The following PBX3 variants were observed in gnomAD, a reference collection of about 807,000 sequenced individuals.
The protein encoded by PBX3 is PBX homeobox 3, also known as pre-B-cell leukemia transcription factor 3.
A neutral mutation model predicts 48.5 loss-of-function variants in PBX3; 14 were observed. The ratio of observed to expected loss-of-function variants is 0.29; its 90% confidence interval spans 0.19 to 0.45. The LOEUF (loss-of-function observed/expected upper bound fraction) is 0.45, where lower values mean the gene tolerates loss of function less well. Among genes scored for constraint, PBX3 ranks in the 20% least tolerant of loss-of-function variants. PBX3 has a pLI of 1.00. For missense variants in PBX3, 386 were observed against 546.7 expected, an observed-to-expected ratio of 0.71 and a Z score of 2.93; for synonymous variants, 210 against 200.3, an observed-to-expected ratio of 1.05 and a Z score of -0.41.
rs1209145212 is a variant in PBX3, at chr9:125,759,428, T to G, written c.274+10805T>G. Among the ~76,000 whole-genome samples the G allele has an allele frequency of 6.6e-6, 1 of 152,196 alleles. No individual in the cohort carries two copies. The highest frequency in any genetic ancestry group is 1.5e-5 in the Non-Finnish European group (1 of 68,036). On this transcript the variant is annotated intron_variant, in intron 2 of 8. Transcript: ENST00000373489. The surrounding 1 kb of genome is among the most constrained non-coding windows in gnomAD (Gnocchi z 4.2). ...TGGCACTGCCAAATGTACTTCCTATTTGTTGTGCAAGGGAATTGGAACAGT... is the reference window on the plus strand; with the variant it reads ...TGGCACTGCCAAATGTACTTCCTATGTGTTGTGCAAGGGAATTGGAACAGT...
At chr9:125,935,337 T>A in intron 4 of PBX3, 135 bp from the exon 5 acceptor site, 2 of 710,280 alleles carry the variant, frequency 2.8e-6, no homozygotes, top group South Asian at 4.0e-5. Context: ...TAACGTATAA[T>A]ATCACAGAAA....
At chr9:125,769,955 T>TAA (rs1378792806) in intron 2 of PBX3, among the ~76,000 whole-genome samples, 1 of 152,224 alleles carries the variant, frequency 6.6e-6, no homozygotes, top group Non-Finnish European at 1.5e-5. Context: ...TGGTTATGTA[T>TAA]AATTTGTATT....
intron 2 of PBX3, among the ~76,000 whole-genome samples, chr9:125,900,244 T>G (rs1840911428): frequency 6.6e-6 from 1 of 150,824 alleles, no homozygotes; most frequent in Non-Finnish European, 1.5e-5. Flanking sequence ...CCCTTTTTTT[T>G]TTTTTTTTAA....
intron 5 of PBX3, among the ~76,000 whole-genome samples, chr9:125,941,128 G>A (rs1841950661): frequency 6.6e-6 from 1 of 152,132 alleles, no homozygotes; most frequent in South Asian, 2.1e-4. Flanking sequence ...TTTTTAATAG[G>A]GTGGTAAAGA....
intron 2 of PBX3, among the ~76,000 whole-genome samples, chr9:125,850,659 T>C (rs1180437274): frequency 6.6e-6 from 1 of 152,018 alleles, no homozygotes. Flanking sequence ...AGTATTGTAC[T>C]GAAAAATTAT....
intron 2 of PBX3, among the ~76,000 whole-genome samples, chr9:125,790,978 A>G (rs140410533): frequency 1.3e-5 from 2 of 151,712 alleles, no homozygotes; most frequent in Admixed American, 6.6e-5. Context: ...TAGTGGTGCA[A>G]CCTTGGCTCA....
At chr9:125,873,458 T>C (rs1009943030) in intron 2 of PBX3, among the ~76,000 whole-genome samples, 2 of 152,190 alleles carry the variant, frequency 1.3e-5, no homozygotes, top group African/African-American at 4.8e-5. Context: ...AGTCAAACTT[T>C]AACAAATTGG....
intron 2 of PBX3, among the ~76,000 whole-genome samples, chr9:125,912,356 C>T (rs769553476): frequency 2.0e-5 from 3 of 152,018 alleles, no homozygotes; most frequent in Non-Finnish European, 2.9e-5. Flanking sequence ...GAAGGGTATG[C>T]GTTTATTCGG....
rs187355296 is a variant in PBX3 at position 125,953,808 on chromosome 9, T to C, written c.844-6876T>C. ...TACCCAGTATGAGGGGTTCCCATGCTGTGCTCACATAGAGAAGTTAAAATG... is the reference window on the plus strand; with the variant it reads ...TACCCAGTATGAGGGGTTCCCATGCCGTGCTCACATAGAGAAGTTAAAATG... On this transcript the variant is annotated intron_variant, in intron 5 of 8. Transcript: ENST00000373489. Among the ~76,000 whole-genome samples, 4 of 152,328 alleles carry C rather than the reference T, an allele frequency of 2.6e-5. No individual in the cohort carries two copies. The East Asian group carries it at 7.7e-4, about 29-fold the overall frequency.
At chr9:125,902,743 G>A (rs147789406) in intron 2 of PBX3, among the ~76,000 whole-genome samples, 105 of 151,780 alleles carry the variant, frequency 6.9e-4, no homozygotes, top group African/African-American at 2.5e-3. Context: ...TAACATTGAT[G>A]ATGGTGAATG....
chr9:125,807,992 A>G (rs1838176933), intron 2 of PBX3, among the ~76,000 whole-genome samples: 1 of 152,212 alleles, frequency 6.6e-6, no homozygotes, highest in Non-Finnish European at 1.5e-5. Context: ...AATTAAGTCC[A>G]CTTTTCATGT....
Position 125,791,301 on chromosome 9 carries a change from G to GTCTGTCTGTCTGTCTATCTA in PBX3, c.274+42681_274+42682insGTCTGTCTGTCTATCTATCT, listed in dbSNP as rs1179896723. ...TTTTTATCTGTCTGTCTGTCTGTCT[G>GTCTGTCTGTCTGTCTATCTA]TCTATCTATCTATCTATCTATCTAT... On this transcript the variant is annotated intron_variant, in intron 2 of 8. Coordinates refer to ENST00000373489, the MANE Select transcript of PBX3 (RefSeq NM_006195.6). 1.0e-4 allele frequency among the ~76,000 whole-genome samples: 11 copies of GTCTGTCTGTCTGTCTATCTA among 109,018 alleles called. No homozygotes were observed. The East Asian group carries it at 2.4e-3, about 24-fold the overall frequency. The allele number at this position is 109,018 out of a possible 152,430, so 71.5% of individuals were successfully genotyped here. A position where few individuals can be genotyped will look rare whatever the true frequency, so the allele number is the denominator to read the frequency against.
intron 2 of PBX3, among the ~76,000 whole-genome samples, chr9:125,908,951 T>G (rs1841140316): frequency 6.6e-6 from 1 of 151,982 alleles, no homozygotes; most frequent in Non-Finnish European, 1.5e-5. Flanking sequence ...ACATGGCCCG[T>G]TTTTTCCTTC....
chr9:125,920,219 C>T (rs1212964877), intron 3 of PBX3, among the ~76,000 whole-genome samples: 1 of 152,140 alleles, frequency 6.6e-6, no homozygotes, highest in African/African-American at 2.4e-5. Flanking sequence ...TACATTGCCT[C>T]GCTTTTTAGC....
intron 2 of PBX3, among the ~76,000 whole-genome samples, chr9:125,823,528 A>T (rs1432086205): frequency 6.6e-6 from 1 of 151,994 alleles, no homozygotes; most frequent in Non-Finnish European, 1.5e-5. Context: ...AAGGAGGATA[A>T]ATTACTTTTT....
At chr9:125,824,620 A>G (rs1207047570) in intron 2 of PBX3, among the ~76,000 whole-genome samples, 1 of 152,172 alleles carries the variant, frequency 6.6e-6, no homozygotes, top group Non-Finnish European at 1.5e-5. Context: ...CTAGAAAGAT[A>G]CAGTCTTTCA....
Position 125,747,546 on chromosome 9 carries a change from G to T in PBX3, c.93G>T (p.Pro31=), listed in dbSNP as rs1265796982. The T allele has an allele frequency of 2.5e-6, 4 of 1,605,220 alleles. No homozygotes were observed. The highest frequency in any genetic ancestry group is 2.6e-6 in the Non-Finnish European group (3 of 1,176,074). ...GGGGCATGGCCCTGCCGCCTCCCCC[G>T]CACGGCCACGAAGGGGCGGACGGCG... ...VQGGMALPPP[P]HGHEGADGDG... is the part of the protein sequence containing the mutation. The change falls in exon 1 of 9, where the codon CCG becomes CCT. Residue 31 remains proline (P), a synonymous_variant. Coordinates refer to ENST00000373489, the MANE Select transcript of PBX3 (RefSeq NM_006195.6).
chr9:125,880,193 C>T (rs1157416745), intron 2 of PBX3, among the ~76,000 whole-genome samples: 1 of 152,166 alleles, frequency 6.6e-6, no homozygotes, highest in East Asian at 1.9e-4. Context: ...TACAGGTGTG[C>T]ACCACCACGC....
Position 125,935,902 on chromosome 9 carries a change from C to T in PBX3, c.843+295C>T, listed in dbSNP as rs1026580093. Among the ~76,000 whole-genome samples the T allele has an allele frequency of 4.6e-5, 7 of 152,204 alleles. No homozygotes were observed. In the South Asian group the frequency reaches 1.4e-3, roughly 32 times the overall value. On this transcript the variant is annotated intron_variant, in intron 5 of 8. Coordinates refer to ENST00000373489, the MANE Select transcript of PBX3 (RefSeq NM_006195.6). The stretch of plus-strand genomic sequence containing the variant: ...ACGCAGTTTACACTTAAGTGACTCT[C>T]CAGTAAATGGCATGTATTCCTGGTT...
Sources: allele counts gnomAD v4.1 joint callset (sites outside exome capture counted in the v4.1 genomes callset), GRCh38; gene constraint gnomAD v4.1.1; non-coding constraint Gnocchi (gnomAD v3.1); transcripts MANE v1.5; gene names NCBI Gene and HGNC (gene_info 2026-07-23, HGNC 2026-07-21).